Variants in C12orf60 observed in about 807,000 individuals in gnomAD.
The protein encoded by C12orf60 is chromosome 12 open reading frame 60, also known as uncharacterized protein C12orf60.
For missense variants in C12orf60, 284 were observed against 283.2 expected, an observed-to-expected ratio of 1.00 and a Z score of -0.02; for synonymous variants, 102 against 94.6, an observed-to-expected ratio of 1.08 and a Z score of -0.45.
At chr12:14,820,599 A>G (rs1950291251) in intron 1 of C12orf60, among the ~76,000 whole-genome samples, 2 of 151,970 alleles carry the variant, frequency 1.3e-5, no homozygotes, top group South Asian at 4.1e-4. Context: ...CAGATTATTT[A>G]AGGGTGTGTT....
In C12orf60 at chr12:14,823,698, T is replaced by G; in HGVS notation, c.*25T>G. 1.3e-6 allele frequency: 2 copies of G among 1,514,574 alleles called. No homozygotes were observed. The highest frequency in any genetic ancestry group is 4.6e-5 in the East Asian group (2 of 43,824). 93.8% of individuals were successfully genotyped at this position (1,514,574 alleles called of 1,614,324 possible). A position where few individuals can be genotyped will look rare whatever the true frequency, so the allele number is the denominator to read the frequency against. Reference sequence around the variant, plus strand: ...GGGATGCAACAGAAATGTTCATTTCTGTCAGAAAACTACTTAAAATCTTAT... The same window carrying G: ...GGGATGCAACAGAAATGTTCATTTCGGTCAGAAAACTACTTAAAATCTTAT... On this transcript the variant is annotated 3_prime_UTR_variant, in exon 2 of 2. Transcript: ENST00000330828.
At chr12:14,806,430 T>C in intron 1 of C12orf60, 1 of 1,614,250 alleles carries the variant, frequency 6.2e-7, no homozygotes, top group Non-Finnish European at 8.5e-7. Flanking sequence ...TAGTGCTTCA[T>C]CAACCTTCTG....
At chr12:14,806,106 A>T (rs1414557671) in intron 1 of C12orf60, 1 of 1,614,118 alleles carries the variant, frequency 6.2e-7, no homozygotes, top group Non-Finnish European at 8.5e-7. Context: ...ATAACTTTTG[A>T]TGGCTGCTTG....
At chr12:14,822,767 T>G in intron 1 of C12orf60, 145 bp from the exon 2 acceptor site, 1 of 611,506 alleles carries the variant, frequency 1.6e-6, no homozygotes, top group Non-Finnish European at 2.7e-6. Context: ...TATTGAAGCA[T>G]AGTACCATTT....
At chr12:14,812,423 G>A (rs1173951999) in intron 1 of C12orf60, among the ~76,000 whole-genome samples, 2 of 151,830 alleles carry the variant, frequency 1.3e-5, no homozygotes, top group Non-Finnish European at 2.9e-5. Context: ...CGGCCTGGGT[G>A]ACAGAGGGAG....
At chr12:14,818,085 T>C (rs1322223409) in intron 1 of C12orf60, among the ~76,000 whole-genome samples, 1 of 152,236 alleles carries the variant, frequency 6.6e-6, no homozygotes, top group Non-Finnish European at 1.5e-5. Context: ...TGATCTGTGT[T>C]GTTGAGCTTT....
chr12:14,817,260 G>A (rs1950236782), intron 1 of C12orf60, among the ~76,000 whole-genome samples: 2 of 152,082 alleles, frequency 1.3e-5, no homozygotes, highest in South Asian at 2.1e-4. Flanking sequence ...CAAGGTTTAT[G>A]TTTTTGCATA....
intron 1 of C12orf60, 139 bp from the exon 2 acceptor site, chr12:14,822,773 C>T: frequency 2.4e-5 from 15 of 626,960 alleles, no homozygotes; most frequent in South Asian, 8.6e-5. Context: ...AGCATAGTAC[C>T]ATTTTTGTTT....
chr12:14,806,605 G>A (rs1950055316), intron 1 of C12orf60: 1 of 1,614,088 alleles, frequency 6.2e-7, no homozygotes, highest in Non-Finnish European at 8.5e-7. Flanking sequence ...AAGCAATCAA[G>A]AAGCTGCTGG....
At chr12:14,811,772 CT>C (rs537518427) in intron 1 of C12orf60, among the ~76,000 whole-genome samples, 28 of 152,308 alleles carry the variant, frequency 1.8e-4, no homozygotes, top group African/African-American at 6.7e-4. Flanking sequence ...AAATACAACT[CT>C]TCAGGGTACT....
chr12:14,806,823 C>CT, intron 1 of C12orf60: 1 of 850,036 alleles, frequency 1.2e-6, no homozygotes, highest in Non-Finnish European at 1.8e-6. Context: ...AGGATAATTC[C>CT]TCAGAACACT....
chr12:14,813,498 T>C (rs1187581100), intron 1 of C12orf60, among the ~76,000 whole-genome samples: 2 of 152,230 alleles, frequency 1.3e-5, no homozygotes, highest in African/African-American at 4.8e-5. Flanking sequence ...TTAAAAAATG[T>C]TTCTGACCAG....
intron 1 of C12orf60, among the ~76,000 whole-genome samples, chr12:14,811,560 A>G (rs1950137900): frequency 6.6e-6 from 1 of 152,236 alleles, no homozygotes; most frequent in South Asian, 2.1e-4. Context: ...CTTGAGATGG[A>G]TGCTTACTGC....
At chr12:14,822,877 T>C in intron 1 of C12orf60, 35 bp from the exon 2 acceptor site, 1 of 1,503,446 alleles carries the variant, frequency 6.7e-7, no homozygotes, top group Non-Finnish European at 8.9e-7. Context: ...AAATCGACTT[T>C]TATTTTTCAT....
At chr12:14,817,677 T>C (rs1950242121) in intron 1 of C12orf60, among the ~76,000 whole-genome samples, 2 of 152,248 alleles carry the variant, frequency 1.3e-5, no homozygotes, top group Admixed American at 1.3e-4. Context: ...TTTTTATGGC[T>C]GCATGGTATT....
intron 1 of C12orf60, among the ~76,000 whole-genome samples, chr12:14,821,355 C>T (rs1950302294): frequency 6.6e-6 from 1 of 152,168 alleles, no homozygotes; most frequent in South Asian, 2.1e-4. Flanking sequence ...TGAAGTCAAG[C>T]AGGACCTCTC....
intron 1 of C12orf60, among the ~76,000 whole-genome samples, chr12:14,807,013 G>A (rs1950062629): frequency 6.6e-6 from 1 of 152,126 alleles, no homozygotes; most frequent in South Asian, 2.1e-4. Flanking sequence ...TTGTATTTTA[G>A]TAGAGACAGG....
At chr12:14,817,181 T>A (rs1388107638) in intron 1 of C12orf60, among the ~76,000 whole-genome samples, 2 of 152,178 alleles carry the variant, frequency 1.3e-5, no homozygotes, top group Non-Finnish European at 2.9e-5. Context: ...TTTCTTCTGT[T>A]TTATGGTTTT....
chr12:14,822,037 G>T (rs1950313948), intron 1 of C12orf60, among the ~76,000 whole-genome samples: 1 of 141,012 alleles, frequency 7.1e-6, no homozygotes, highest in Non-Finnish European at 1.5e-5. Context: ...ATGGGGGTGG[G>T]TGGCACTGCT....
Sources: gnomAD v4.1 joint callset for allele counts (sites outside exome capture counted in the v4.1 genomes callset) on GRCh38, gnomAD v4.1.1 for gene constraint, MANE v1.5 for transcripts, NCBI Gene and HGNC (gene_info 2026-07-23, HGNC 2026-07-21) for gene names.